PRKCH: variants seen among roughly 807,000 people sequenced by gnomAD.
The protein encoded by PRKCH is protein kinase C eta.
PRKCH carries 28 observed loss-of-function variants against 82.5 expected under a neutral mutation model. The ratio of observed to expected loss-of-function variants is 0.34; its 90% CI spans 0.25 to 0.47. The LOEUF is 0.47. PRKCH is among the 20% of genes least tolerant of loss of function. The pLI is 1.00. For missense variants in PRKCH, 705 were observed against 881.8 expected, an observed-to-expected ratio of 0.80 and a Z score of 2.54; for synonymous variants, 322 against 327.4, an observed-to-expected ratio of 0.98 and a Z score of 0.18.
chr14:61,480,487 G>A (rs900954226), intron 9 of PRKCH, among the ~76,000 whole-genome samples: 5 of 152,120 alleles, frequency 3.3e-5, no homozygotes, highest in South Asian at 4.1e-4. Flanking sequence ...CTTTGTAAAG[G>A]GCATTCACTA....
chr14:61,246,419 A>AAT (rs2044883902), intron 1 of PRKCH, among the ~76,000 whole-genome samples: 3 of 151,038 alleles, frequency 2.0e-5, no homozygotes, highest in South Asian at 2.1e-4. Flanking sequence ...AAGAAAAAAA[A>AAT]AAAAGAATTT....
At chr14:61,492,053 T>C (rs1035292078) in intron 10 of PRKCH, 3 of 152,068 alleles carry the variant, frequency 2.0e-5, no homozygotes, top group African/African-American at 7.2e-5. Flanking sequence ...GGAAGGAACA[T>C]TTGAGACAGA....
chr14:61,301,893 C>A (rs940352052), intron 1 of PRKCH, among the ~76,000 whole-genome samples: 6 of 152,164 alleles, frequency 3.9e-5, no homozygotes, highest in African/African-American at 1.4e-4. Flanking sequence ...CCAAATGATA[C>A]ACCCTTGTAA....
intron 1 of PRKCH, among the ~76,000 whole-genome samples, chr14:61,199,823 C>A (rs975491590): frequency 6.6e-6 from 1 of 152,148 alleles, no homozygotes; most frequent in Admixed American, 6.5e-5. Context: ...TTAAGCTGCA[C>A]GCAAAGAATA....
At position 61,280,370 on chromosome 14, in the gene PRKCH, G is replaced by C; in HGVS notation, c.-19+92702G>C. 9 of 1,614,004 alleles carry C rather than the reference G, an allele frequency of 5.6e-6. No individual in the cohort carries two copies. The highest frequency in any genetic ancestry group is 7.6e-6 in the Non-Finnish European group (9 of 1,179,918). Reference sequence around the variant, plus strand: ...CGCGCGTACAGTTTGCGGAACGTGGGCAGCGCCGCCGTGCGCATCCACACC... The same window carrying C: ...CGCGCGTACAGTTTGCGGAACGTGGCCAGCGCCGCCGTGCGCATCCACACC... On this transcript the variant is annotated intron_variant, in intron 1 of 3. Transcript: ENST00000555185. This position sits in a 1 kb window ranked among gnomAD's most constrained non-coding sequence, Gnocchi z 5.0.
At chr14:61,367,733 T>C (rs1474120816) in intron 1 of PRKCH, among the ~76,000 whole-genome samples, 2 of 150,552 alleles carry the variant, frequency 1.3e-5, no homozygotes, top group African/African-American at 5.0e-5. Context: ...TTTTTTTTTT[T>C]TTAAACAGTC....
chr14:61,440,019 G>A (rs888208978), intron 2 of PRKCH, among the ~76,000 whole-genome samples: 1 of 152,126 alleles, frequency 6.6e-6, no homozygotes, highest in Non-Finnish European at 1.5e-5. Flanking sequence ...AGATCCCCAG[G>A]GAGAACTTAA....
At chr14:61,222,222 T>C (rs987552051) in intron 1 of PRKCH, among the ~76,000 whole-genome samples, 1 of 152,246 alleles carries the variant, frequency 6.6e-6, no homozygotes, top group African/African-American at 2.4e-5. Flanking sequence ...GTTTTAATCA[T>C]GAAATTAGTG....
intron 1 of PRKCH, among the ~76,000 whole-genome samples, chr14:61,363,013 G>C (rs945323886): frequency 2.6e-5 from 4 of 152,234 alleles, no homozygotes; most frequent in African/African-American, 9.6e-5. Flanking sequence ...ACAATGGGTA[G>C]GACTTAGATG....
chr14:61,515,374 T>G (rs2042808301), intron 10 of PRKCH, among the ~76,000 whole-genome samples: 1 of 152,198 alleles, frequency 6.6e-6, no homozygotes, highest in Non-Finnish European at 1.5e-5. Context: ...TCGTTCAACT[T>G]ATTCTACCTA....
chr14:61,445,266 G>T (rs1884166171), intron 3 of PRKCH, among the ~76,000 whole-genome samples: 3 of 152,254 alleles, frequency 2.0e-5, no homozygotes, highest in Non-Finnish European at 4.4e-5. Context: ...CAGGTCCCCT[G>T]GGACAGGCAG....
chr14:61,469,192 C>T (rs2140309482), intron 9 of PRKCH, among the ~76,000 whole-genome samples: 1 of 152,304 alleles, frequency 6.6e-6, no homozygotes, highest in East Asian at 1.9e-4. Flanking sequence ...CTGCCTTGGC[C>T]TCCCAAAGTA....
In PRKCH at chr14:61,547,892, T is replaced by C; in HGVS notation, c.1905+6T>C. The C allele has an allele frequency of 1.2e-6, 2 of 1,612,350 alleles. No homozygotes were observed. The highest frequency in any genetic ancestry group is 1.7e-6 in the Non-Finnish European group (2 of 1,178,856). ...CGCCTTTCAGACCCAGAATCGTAAGTGTCCCAGGCTGTCACAGAGACATTC... is the reference window on the plus strand; with the variant it reads ...CGCCTTTCAGACCCAGAATCGTAAGCGTCCCAGGCTGTCACAGAGACATTC... On this transcript the variant is annotated splice_donor_region_variant and intron_variant, in intron 13 of 13. Coordinates refer to ENST00000332981, the MANE Select transcript of PRKCH (RefSeq NM_006255.5).
intron 9 of PRKCH, among the ~76,000 whole-genome samples, chr14:61,466,080 AGTGAATTG>A (rs1885242842): frequency 6.6e-6 from 1 of 152,222 alleles, no homozygotes; most frequent in Non-Finnish European, 1.5e-5. Flanking sequence ...TGCCCAAGAT[AGTGAATTG>A]GCAGACCCGT....
At chr14:61,476,598 G>A (rs566981234) in intron 9 of PRKCH, 13 of 152,204 alleles carry the variant, frequency 8.5e-5, no homozygotes, top group Non-Finnish European at 1.8e-4. Flanking sequence ...ATATATGCCA[G>A]TAAGCCTTGT....
At chr14:61,366,938 C>T (rs980307833) in intron 1 of PRKCH, among the ~76,000 whole-genome samples, 1 of 152,022 alleles carries the variant, frequency 6.6e-6, no homozygotes, top group South Asian at 2.1e-4. Context: ...CTGGCTTCTT[C>T]CCTTCTCTAA....
chr14:61,328,106 C>T (rs907535024), intron 1 of PRKCH, among the ~76,000 whole-genome samples: 51 of 151,478 alleles, frequency 3.4e-4, no homozygotes, highest in Admixed American at 3.2e-3. Flanking sequence ...AAAAATTAGC[C>T]GGGCGCGGTG....
At chr14:61,404,126 G>T (rs1002672978) in intron 2 of PRKCH, among the ~76,000 whole-genome samples, 1 of 152,118 alleles carries the variant, frequency 6.6e-6, no homozygotes, top group African/African-American at 2.4e-5. Context: ...AGGAAGACCT[G>T]CTTCTTCCCT....
chr14:61,199,362 C>T (rs58623004), intron 1 of PRKCH, among the ~76,000 whole-genome samples: 3,630 of 152,268 alleles, frequency 0.024, 133 homozygotes, highest in African/African-American at 0.081. Context: ...CCCATGGTTT[C>T]CCAGACATCA....
Sources: allele counts gnomAD v4.1 joint callset (sites outside exome capture counted in the v4.1 genomes callset), GRCh38; gene constraint gnomAD v4.1.1; non-coding constraint Gnocchi (gnomAD v3.1); transcripts MANE v1.5; gene names NCBI Gene and HGNC (gene_info 2026-07-23, HGNC 2026-07-21).